ARHGAP8: variants seen among roughly 807,000 people sequenced by gnomAD.
The protein encoded by ARHGAP8 is Rho GTPase activating protein 8.
ARHGAP8 carries 62 observed loss-of-function variants against 46.1 expected under a neutral mutation model. The ratio of observed to expected loss-of-function variants is 1.34; its 90% confidence interval spans 1.10 to 1.66. The LOEUF (loss-of-function observed/expected upper bound fraction) is 1.66, where lower values mean the gene tolerates loss of function less well. Among genes scored for constraint, ARHGAP8 ranks in the 40% most tolerant of loss-of-function variants. The probability of loss-of-function intolerance (pLI) is 0.00; values close to 1 mark genes in which losing one functional copy is unlikely to be tolerated. For synonymous variants in ARHGAP8, 375 were observed against 243.1 expected (o/e 1.54, Z -5.05); for missense variants, 923 against 568.4 (o/e 1.62, Z -6.34).
chr22:44,848,748 A>G (rs1028656257), intron 9 of ARHGAP8, among the ~76,000 whole-genome samples, 184 bp from the exon 10 acceptor site: 1 of 152,118 alleles, frequency 6.6e-6, no homozygotes, highest in Non-Finnish European at 1.5e-5. Context: ...AGGGTAGTGT[A>G]GGGGCTGATG....
rs551355775 is a variant in ARHGAP8, at chr22:44,799,355, G to A, written c.80-2722G>A. Among the ~76,000 whole-genome samples, 11 of 152,356 alleles carry A rather than the reference G, an allele frequency of 7.2e-5. 1 individual carries two copies. The highest frequency in any genetic ancestry group is 6.2e-4 in the South Asian group (3 of 4,834). On this transcript the variant is annotated intron_variant, in intron 2 of 11. Transcript: ENST00000356099. Reference sequence around the variant, plus strand: ...CAGAGGAGCTGCTCCCATATGCAACGGCATGTCCACAGACCGGCCAGAGGG... The same window carrying A: ...CAGAGGAGCTGCTCCCATATGCAACAGCATGTCCACAGACCGGCCAGAGGG...
intron 2 of ARHGAP8, among the ~76,000 whole-genome samples, chr22:44,792,709 A>G (rs987387262): frequency 6.6e-6 from 1 of 152,180 alleles, no homozygotes; most frequent in African/African-American, 2.4e-5. Context: ...TCCTGTCAAA[A>G]GGAATTTTGA....
chr22:44,761,963 G>A (rs1925163701), intron 1 of ARHGAP8, among the ~76,000 whole-genome samples: 3 of 152,136 alleles, frequency 2.0e-5, no homozygotes, highest in Admixed American at 2.0e-4. Flanking sequence ...CAGTGTGGGG[G>A]AACCCCCCCC....
chr22:44,830,131 C>A lies in ARHGAP8; in HGVS notation c.596+4538C>A, dbSNP rs953917643. 3.4e-5 allele frequency among the ~76,000 whole-genome samples: 5 copies of A among 148,696 alleles called. No homozygotes were observed. In the Admixed American group the frequency reaches 3.4e-4, roughly 10 times the overall value. ...CTCTGCCTCCTGGGTTCAAGCAATT[C>A]TCCTGTCTCAGCCTCCCGAGTAGCT... On this transcript the variant is annotated intron_variant, in intron 7 of 11. Coordinates refer to ENST00000356099, the MANE Select transcript of ARHGAP8 (RefSeq NM_181335.3).
chr22:44,848,834 C>T, intron 9 of ARHGAP8, 98 bp from the exon 10 acceptor site: 2 of 1,569,202 alleles, frequency 1.3e-6, no homozygotes, highest in South Asian at 2.4e-5. Flanking sequence ...AGGTGCGTCC[C>T]ATCCGGACAT....
chr22:44,809,089 G>T (rs1380696326), intron 4 of ARHGAP8: 3 of 469,838 alleles, frequency 6.4e-6, no homozygotes, highest in South Asian at 4.6e-5. Flanking sequence ...CCAAAGTACT[G>T]GGATTACAGG....
chr22:44,815,948 G>T (rs1929709030), intron 5 of ARHGAP8, among the ~76,000 whole-genome samples: 1 of 152,176 alleles, frequency 6.6e-6, no homozygotes, highest in Non-Finnish European at 1.5e-5. Context: ...GCTCAGAGCA[G>T]GAGGGCGCAG....
At chr22:44,771,457 G>A (rs1925993833) in intron 1 of ARHGAP8, among the ~76,000 whole-genome samples, 1 of 151,782 alleles carries the variant, frequency 6.6e-6, no homozygotes, top group Non-Finnish European at 1.5e-5. Flanking sequence ...ATGTTGGCCA[G>A]GCTGGTCTCG....
chr22:44,775,192 A>G (rs1295044737), intron 1 of ARHGAP8, among the ~76,000 whole-genome samples: 3 of 152,216 alleles, frequency 2.0e-5, no homozygotes, highest in African/African-American at 7.2e-5. Context: ...AGCACAACAC[A>G]TAAACTGAAA....
intron 7 of ARHGAP8, among the ~76,000 whole-genome samples, chr22:44,831,777 G>T (rs1363832058): frequency 6.6e-6 from 1 of 152,148 alleles, no homozygotes; most frequent in Non-Finnish European, 1.5e-5. Context: ...AAACATGAGG[G>T]TTTATTTCTG....
At chr22:44,796,905 G>C (rs1009731305) in intron 2 of ARHGAP8, among the ~76,000 whole-genome samples, 8 of 152,198 alleles carry the variant, frequency 5.3e-5, no homozygotes, top group African/African-American at 9.6e-5. Context: ...CCTTCTCATG[G>C]GGGTGCCCTC....
At chr22:44,835,168 A>G (rs1476199352) in intron 7 of ARHGAP8, among the ~76,000 whole-genome samples, 2 of 151,588 alleles carry the variant, frequency 1.3e-5, no homozygotes, top group Non-Finnish European at 2.9e-5. Context: ...GTCTTCATTA[A>G]TACCTTCTTT....
rs796222997 is a variant in ARHGAP8 at position 44,787,041 on chromosome 22, A to C, written c.79+435A>C. Among the ~76,000 whole-genome samples, 319 of 148,014 alleles carry C rather than the reference A, an allele frequency of 2.2e-3. 4 individuals are homozygous for C. The highest frequency in any genetic ancestry group is 6.9e-3 in the Middle Eastern group (2 of 288). On this transcript the variant is annotated intron_variant, in intron 2 of 11. Transcript: ENST00000356099. ...TGAGACCCTGTCTCAAAAAAACAAA[A>C]AAAAAAAAAAGAAAGAAGTAAAACT...
intron 11 of ARHGAP8, 71 bp from the exon 12 acceptor site, chr22:44,862,188 ACGCCTCTCCCTAAGTT>A (rs1350574665): frequency 6.7e-7 from 1 of 1,489,024 alleles, no homozygotes; most frequent in Non-Finnish European, 9.0e-7. Flanking sequence ...CACTACACCT[ACGCCTCTCCCTAAGTT>A]CGGGAGGGAG....
intron 10 of ARHGAP8, among the ~76,000 whole-genome samples, chr22:44,858,349 A>C (rs6007337): frequency 0.16 from 23,166 of 148,386 alleles, 2,292 homozygotes; most frequent in African/African-American, 0.29. Flanking sequence ...AACTTGGTGA[A>C]TACTTGTTGG....
At chr22:44,859,181 G>A (rs867720730) in intron 10 of ARHGAP8, among the ~76,000 whole-genome samples, 2 of 152,188 alleles carry the variant, frequency 1.3e-5, no homozygotes, top group Admixed American at 6.5e-5. Flanking sequence ...TAGAATTCAG[G>A]TGATGATAGG....
intron 2 of ARHGAP8, among the ~76,000 whole-genome samples, chr22:44,797,283 C>T (rs190743941): frequency 6.9e-6 from 1 of 144,954 alleles, no homozygotes; most frequent in African/African-American, 2.6e-5. Flanking sequence ...ATTGATTTGA[C>T]TCCTTGTTTC....
intron 7 of ARHGAP8, among the ~76,000 whole-genome samples, chr22:44,842,912 T>G (rs1931746908): frequency 2.0e-5 from 3 of 152,218 alleles, no homozygotes. Flanking sequence ...GGGCCTGTGT[T>G]TGTCTTTGTG....
chr22:44,860,666 G>C (rs1452500786), intron 11 of ARHGAP8, among the ~76,000 whole-genome samples: 1 of 152,088 alleles, frequency 6.6e-6, no homozygotes, highest in African/African-American at 2.4e-5. Context: ...AATGACCAGA[G>C]AGAGAGAAAC....
Sources: gnomAD v4.1 joint callset for allele counts (sites outside exome capture counted in the v4.1 genomes callset) on GRCh38, gnomAD v4.1.1 for gene constraint, MANE v1.5 for transcripts, NCBI Gene and HGNC (gene_info 2026-07-23, HGNC 2026-07-21) for gene names.